The following LYPD6B variants were observed in gnomAD, a reference collection of about 807,000 sequenced individuals.
LYPD6B encodes the protein LY6/PLAUR domain containing 6B.
A neutral mutation model predicts 22.8 loss-of-function variants in LYPD6B; 17 were observed. That is an observed-to-expected ratio of 0.75 (90% CI 0.51 to 1.12). The LOEUF (loss-of-function observed/expected upper bound fraction) is 1.12. Ranked by LOEUF, LYPD6B falls within the 50% of genes most tolerant of loss-of-function variation. LYPD6B has a pLI of 0.00. For synonymous variants in LYPD6B, 106 were observed against 91.6 expected (o/e 1.16, Z -0.90); for missense variants, 221 against 258.3 (o/e 0.86, Z 0.99).
At chr2:149,080,166 G>C (rs748170207) in intron 1 of LYPD6B, among the ~76,000 whole-genome samples, 7 of 152,202 alleles carry the variant, frequency 4.6e-5, no homozygotes, top group Non-Finnish European at 1.0e-4. Flanking sequence ...CTCGCTTGAA[G>C]GCACTAAGGA....
chr2:149,166,706 C>A (rs1009497687), intron 3 of LYPD6B, among the ~76,000 whole-genome samples: 13 of 152,154 alleles, frequency 8.5e-5, no homozygotes, highest in Non-Finnish European at 1.8e-4. Flanking sequence ...TGTTGCATTG[C>A]TACCGAGAGT....
At chr2:149,113,395 G>T (rs1054286032) in intron 1 of LYPD6B, among the ~76,000 whole-genome samples, 2 of 152,238 alleles carry the variant, frequency 1.3e-5, no homozygotes, top group South Asian at 2.1e-4. Flanking sequence ...ATGGGGAAAA[G>T]GATGGAAGGA....
At chr2:149,180,317 A>T (rs542441266) in intron 3 of LYPD6B, among the ~76,000 whole-genome samples, 1 of 152,324 alleles carries the variant, frequency 6.6e-6, no homozygotes, top group South Asian at 2.1e-4. Flanking sequence ...ATGCTGTTAT[A>T]CAAGTGAAAC....
chr2:149,043,464 T>C (rs1051340930), intron 1 of LYPD6B, among the ~76,000 whole-genome samples: 1 of 152,260 alleles, frequency 6.6e-6, no homozygotes, highest in Non-Finnish European at 1.5e-5. Context: ...AGTGTTGAAG[T>C]GTTTTGCAGA....
intron 2 of LYPD6B, 85 bp downstream of exon 2, chr2:149,131,038 C>T: frequency 2.3e-6 from 2 of 885,016 alleles, no homozygotes; most frequent in Non-Finnish European, 3.8e-6. Flanking sequence ...TCATGCTTCG[C>T]AAAAATATAT....
At chr2:149,196,698 T>C (rs1279473131) in intron 3 of LYPD6B, among the ~76,000 whole-genome samples, 1 of 152,238 alleles carries the variant, frequency 6.6e-6, no homozygotes, top group East Asian at 1.9e-4. Context: ...ATTCATTCAA[T>C]AAAATATATG....
intron 1 of LYPD6B, among the ~76,000 whole-genome samples, chr2:149,082,859 T>C (rs145023382): frequency 4.6e-5 from 7 of 152,194 alleles, no homozygotes; most frequent in Non-Finnish European, 1.0e-4. Flanking sequence ...CAGCGGAACC[T>C]GACTGGGTAC....
chr2:149,213,417 A>G (rs1694000415), intron 6 of LYPD6B, among the ~76,000 whole-genome samples: 1 of 152,214 alleles, frequency 6.6e-6, no homozygotes, highest in Non-Finnish European at 1.5e-5. Flanking sequence ...ATGGAGACCA[A>G]AGAAATGAAG....
chr2:149,151,652 G>A (rs1206801215), intron 2 of LYPD6B, among the ~76,000 whole-genome samples: 2 of 152,190 alleles, frequency 1.3e-5, no homozygotes, highest in African/African-American at 4.8e-5. Context: ...AAGTTAGCTT[G>A]CTTCTGGGTG....
At chr2:149,147,373 C>T (rs1689091192) in intron 2 of LYPD6B, among the ~76,000 whole-genome samples, 1 of 152,220 alleles carries the variant, frequency 6.6e-6, no homozygotes, top group South Asian at 2.1e-4. Context: ...ACAGGCTTTT[C>T]TGCCTCTTGA....
In LYPD6B at chr2:149,119,122, C is replaced by A. The variant is rs530894668; in HGVS notation, c.-66-11761C>A. 293 of 152,132 alleles carry A rather than the reference C, an allele frequency of 1.9e-3. 1 individual carries two copies. The highest frequency in any genetic ancestry group is 6.8e-3 in the African/African-American group (281 of 41,520). The allele number at this position is 152,132 out of a possible 1,614,324, so 9.4% of individuals were successfully genotyped here. A position where few individuals can be genotyped will look rare whatever the true frequency, so the allele number is the denominator to read the frequency against. On this transcript the variant is annotated intron_variant, in intron 1 of 6. Transcript: ENST00000409642. ...ACTCAGATTATCGCGGAACACCTGC[C>A]CATTAATCTTGACCCTGTTAAAACA...
chr2:149,212,390 A>C (rs1329812453), intron 5 of LYPD6B, among the ~76,000 whole-genome samples: 1 of 150,452 alleles, frequency 6.6e-6, no homozygotes, highest in African/African-American at 2.4e-5. Flanking sequence ...CAAAAAAAAA[A>C]AAAAAAAAAA....
chr2:149,146,603 G>A (rs1239858281), intron 2 of LYPD6B, among the ~76,000 whole-genome samples: 1 of 152,068 alleles, frequency 6.6e-6, no homozygotes, highest in East Asian at 1.9e-4. Flanking sequence ...AATCAGGTTA[G>A]GGGTCATTTG....
rs560626048 is a variant in LYPD6B, at chr2:149,143,698, G to A, written c.5+12745G>A. On this transcript the variant is annotated intron_variant, in intron 2 of 6. Coordinates refer to ENST00000409642, the MANE Select transcript of LYPD6B (RefSeq NM_177964.5). ...TAAATAACCCCCACAGAGTTTAATTGTTTTTAAATTGCAATTATAACTAAT... is the reference window on the plus strand; with the variant it reads ...TAAATAACCCCCACAGAGTTTAATTATTTTTAAATTGCAATTATAACTAAT... Among the ~76,000 whole-genome samples, 3 of 152,170 alleles carry A rather than the reference G, an allele frequency of 2.0e-5. No homozygotes were observed. In the East Asian group the frequency reaches 5.8e-4, roughly 29 times the overall value.
At chr2:149,072,749 C>T (rs553797863) in intron 1 of LYPD6B, among the ~76,000 whole-genome samples, 1 of 151,940 alleles carries the variant, frequency 6.6e-6, no homozygotes, top group South Asian at 2.1e-4. Flanking sequence ...GTTGGCCAGG[C>T]TGGTCTCGAA....
At chr2:149,202,132 C>T (rs1210038865) in intron 3 of LYPD6B, among the ~76,000 whole-genome samples, 1 of 152,156 alleles carries the variant, frequency 6.6e-6, no homozygotes, top group South Asian at 2.1e-4. Context: ...TGTTCACTAT[C>T]ATTTATATCC....
chr2:149,151,339 G>T (rs1481696320), intron 2 of LYPD6B, among the ~76,000 whole-genome samples: 5 of 152,090 alleles, frequency 3.3e-5, no homozygotes, highest in Admixed American at 2.6e-4. Flanking sequence ...ATAGGTGCAG[G>T]GTGCTTCAGT....
At chr2:149,152,892 T>A (rs1310975956) in intron 2 of LYPD6B, among the ~76,000 whole-genome samples, 2 of 152,092 alleles carry the variant, frequency 1.3e-5, no homozygotes, top group African/African-American at 4.8e-5. Context: ...AAAAGTGGGG[T>A]AGGGGTCCAG....
At chr2:149,040,621 C>T (rs1463940772) in intron 1 of LYPD6B, among the ~76,000 whole-genome samples, 1 of 152,094 alleles carries the variant, frequency 6.6e-6, no homozygotes, top group Admixed American at 6.5e-5. Context: ...GGCACATGAC[C>T]GACTGTGATT....
Sources: gnomAD v4.1 joint callset for allele counts (sites outside exome capture counted in the v4.1 genomes callset) on GRCh38, gnomAD v4.1.1 for gene constraint, MANE v1.5 for transcripts, NCBI Gene and HGNC (gene_info 2026-07-23, HGNC 2026-07-21) for gene names.